TRIM66: variants seen among roughly 807,000 people sequenced by gnomAD.
The protein encoded by TRIM66 is tripartite motif containing 66.
A neutral mutation model predicts 148.2 loss-of-function variants in TRIM66; 99 were observed. That is an observed-to-expected ratio of 0.67 (90% confidence interval 0.57 to 0.79). The LOEUF (loss-of-function observed/expected upper bound fraction) is 0.79, where lower values mean the gene tolerates loss of function less well. Among genes scored for constraint, TRIM66 ranks in the 30% least tolerant of loss-of-function variants. The probability of loss-of-function intolerance (pLI) is 0.00; values close to 1 mark genes in which losing one functional copy is unlikely to be tolerated. For synonymous variants in TRIM66, 616 were observed against 635.9 expected (o/e 0.97, Z 0.47); for missense variants, 1,666 against 1,697.9 (o/e 0.98, Z 0.33).
chr11:8,678,173 GACAAGTTATTCA>G lies in TRIM66; in HGVS notation c.-190+1435_-190+1446del, dbSNP rs2039266065. 3 of 152,216 alleles carry G rather than the reference GACAAGTTATTCA, an allele frequency of 2.0e-5. No homozygotes were observed. In the South Asian group the frequency reaches 6.2e-4, roughly 32 times the overall value. The allele number at this position is 152,216 out of a possible 1,614,324, so 9.4% of individuals were successfully genotyped here. A position where few individuals can be genotyped will look rare whatever the true frequency, so the allele number is the denominator to read the frequency against. ...GTCTCACTTCTGGGAATTTATCCTA[GACAAGTTATTCA>G]ACAGGAGAAGAAAAAATTATATACA... On this transcript the variant is annotated intron_variant, in intron 3 of 24. Transcript: ENST00000646038.
Position 8,620,427 on chromosome 11 carries a change from T to C in TRIM66, c.3672+19A>G, listed in dbSNP as rs1365956626. 6.4e-7 allele frequency: 1 copy of C among 1,551,282 alleles called. No individual in the cohort carries two copies. Among genetic ancestry groups the C allele is most frequent in the East Asian group, 2.4e-5 (1 of 40,930 alleles). On this transcript the variant is annotated intron_variant, in intron 21 of 24. Transcript: ENST00000646038. ...GCTGCCAAAGGCAGGGAACCTTGTT[T>C]CCAAAGACTCCTCCCTACCTTCTGG...
intron 6 of TRIM66, among the ~76,000 whole-genome samples, chr11:8,657,329 G>A (rs1186668600): frequency 6.6e-6 from 1 of 152,134 alleles, no homozygotes; most frequent in East Asian, 1.9e-4. Flanking sequence ...TCCGAGCTCT[G>A]ATCCCAACAG....
chr11:8,620,126 T>C lies in TRIM66; in HGVS notation c.3673-2A>G, dbSNP rs998594739. ...GGACAATACCAGCTTCTCACACTTCTGCAAAATCAGAATTGGCAACAGAGT... is the reference window on the plus strand; with the variant it reads ...GGACAATACCAGCTTCTCACACTTCCGCAAAATCAGAATTGGCAACAGAGT... On this transcript the variant is annotated splice_acceptor_variant, in intron 21 of 24. Coordinates refer to ENST00000646038, the MANE Select transcript of TRIM66 (RefSeq NM_001388022.1). LOFTEE classifies it high-confidence loss of function. The C allele has an allele frequency of 1.3e-5, 20 of 1,551,526 alleles. No homozygotes were observed. In the Admixed American group the frequency reaches 2.6e-4, roughly 20 times the overall value.
At chr11:8,668,447 G>C (rs1171192438) in intron 6 of TRIM66, among the ~76,000 whole-genome samples, 3 of 152,064 alleles carry the variant, frequency 2.0e-5, no homozygotes, top group Non-Finnish European at 4.4e-5. Flanking sequence ...AGATGGCCCA[G>C]TCCAAAACAG....
At chr11:8,654,095 T>C (rs984999293) in intron 6 of TRIM66, among the ~76,000 whole-genome samples, 2 of 152,234 alleles carry the variant, frequency 1.3e-5, no homozygotes, top group South Asian at 2.1e-4. Context: ...ACATCAGTCA[T>C]TGTAACATGG....
upstream of TRIM66, chr11:8,682,862 C>T (rs755868948): frequency 1.9e-6 from 3 of 1,596,642 alleles, no homozygotes; most frequent in Middle Eastern, 1.7e-4. Context: ...GGCGGAGACC[C>T]CTAAGCTGTA....
intron 6 of TRIM66, among the ~76,000 whole-genome samples, chr11:8,663,921 C>T (rs1330851211): frequency 1.3e-5 from 2 of 152,102 alleles, no homozygotes; most frequent in Non-Finnish European, 2.9e-5. Context: ...TCTAAAAAAA[C>T]TGATCTCATA....
intron 1 of TRIM66, among the ~76,000 whole-genome samples, chr11:8,681,710 G>C (rs1301882415): frequency 2.6e-5 from 4 of 152,074 alleles, no homozygotes; most frequent in Admixed American, 6.5e-5. Context: ...ACAATCACTA[G>C]TTGAGTGTGG....
intron 15 of TRIM66, among the ~76,000 whole-genome samples, chr11:8,627,315 G>A (rs1413092814): frequency 6.6e-6 from 1 of 152,178 alleles, no homozygotes; most frequent in African/African-American, 2.4e-5. Context: ...CAAATGAACA[G>A]CAGCTTAGGT....
chr11:8,622,380 A>ATATATATATATATATC (rs1565477382), intron 18 of TRIM66, among the ~76,000 whole-genome samples: 5 of 128,486 alleles, frequency 3.9e-5, no homozygotes, highest in Non-Finnish European at 8.5e-5. Flanking sequence ...ATATATATAT[A>ATATATATATATATATC]TATCTCCTAC....
rs1475899241 is a variant in TRIM66 at position 8,622,840 on chromosome 11, T to C, written c.3056A>G (p.Asp1019Gly). 9 of 1,551,916 alleles carry C rather than the reference T, an allele frequency of 5.8e-6. No individual in the cohort carries two copies. The highest frequency in any genetic ancestry group is 7.8e-6 in the Non-Finnish European group (9 of 1,147,088). ...ENFEQGALEL[D>G]AKENQSIRAF... is the part of the protein sequence containing the mutation. ...CCTGATGCTCTGGTTCTCTTTTGCA[T>C]CCAGCTCTAGGGCTCCTTGTTCAAA... The change falls in exon 18 of 25, where the codon GAT (aspartate) becomes GGT (glycine). Residue 1019 changes from aspartate to glycine, a missense_variant. This residue lies in a region of TRIM66 where 1,431 missense variants were observed against 1,412.4 expected (regional missense o/e 1.01). Transcript: ENST00000646038.
chr11:8,620,408 A>G (rs1206503567), intron 21 of TRIM66, 38 bp downstream of exon 21: 1 of 1,550,052 alleles, frequency 6.5e-7, no homozygotes, highest in African/African-American at 1.4e-5. Context: ...GGGGGCTGCC[A>G]AAGGCAGGGA....
In TRIM66 at chr11:8,620,479, C is replaced by T. The variant is rs1200216463; in HGVS notation, c.3639G>A (p.Arg1213=). The change falls in exon 21 of 25, where the codon CGG becomes CGA. Residue 1213 remains arginine (R), a synonymous_variant. Transcript: ENST00000646038. The part of the protein sequence containing the change: ...ENACYNQPGM[R]ASPGLSMYDQ... Reference sequence around the variant, plus strand: ...CATACATGCTTAGGCCAGGAGATGCCCGCATTCCAGGCTGGTTATAGCAGG... The same window carrying T: ...CATACATGCTTAGGCCAGGAGATGCTCGCATTCCAGGCTGGTTATAGCAGG... 6.4e-7 allele frequency: 1 copy of T among 1,551,780 alleles called. No individual in the cohort carries two copies. Among genetic ancestry groups the T allele is most frequent in the Admixed American group, 2.0e-5 (1 of 51,002 alleles).
At chr11:8,650,556 G>C (rs903152199) in intron 7 of TRIM66, among the ~76,000 whole-genome samples, 1 of 152,108 alleles carries the variant, frequency 6.6e-6, no homozygotes, top group Non-Finnish European at 1.5e-5. Context: ...GTTCACACAA[G>C]TCCTGTGCTG....
intron 14 of TRIM66, among the ~76,000 whole-genome samples, chr11:8,640,012 C>T (rs759543696): frequency 2.0e-5 from 3 of 152,174 alleles, no homozygotes; most frequent in Non-Finnish European, 4.4e-5. Context: ...TATACTGAGC[C>T]TAAATCTAAT....
upstream of TRIM66, chr11:8,683,147 C>T (rs1592234341): frequency 1.3e-6 from 2 of 1,544,466 alleles, no homozygotes; most frequent in African/African-American, 1.4e-5. Context: ...GGCTGGCGGG[C>T]ATCGCCCCCT....
At chr11:8,638,592 T>A (rs1565509119) in intron 15 of TRIM66, 62 bp downstream of exon 15, 3 of 1,516,970 alleles carry the variant, frequency 2.0e-6, no homozygotes. Context: ...CTCCTCCAAG[T>A]GCCTGGGGTC....
Position 8,640,570 on chromosome 11 carries a change from A to G in TRIM66, c.1805T>C (p.Leu602Pro), listed in dbSNP as rs2133082662. 1.3e-6 allele frequency: 2 copies of G among 1,548,620 alleles called. No homozygotes were observed. The highest frequency in any genetic ancestry group is 1.7e-6 in the Non-Finnish European group (2 of 1,145,636). The change falls in exon 14 of 25, where the codon CTA becomes CCA. Residue 602 changes from leucine to proline, a missense_variant. By Grantham distance (98) the Leu-to-Pro change is moderately conservative. Around this residue, in one of 3 missense-constraint regions of TRIM66, gnomAD observed 1,431 missense variants for 1,412.4 expected, o/e 1.01. Transcript: ENST00000646038. ...SHFQQQPQQQ[L>P]PPPPPPLPHP... ...GGGGAGGGGTGGTGGTGGAGGTGGT[A>G]GCTGCTGCTGTGGCTGCTGCTGAAA...
chr11:8,612,500 T>C lies in TRIM66; in HGVS notation c.*5444A>G, dbSNP rs534355261. On this transcript the variant is annotated 3_prime_UTR_variant, in exon 25 of 25. Transcript: ENST00000646038. Reference sequence around the variant, plus strand: ...GTATCCAAGGTTACACAGCTCATAATGGAAAGAGCCAAAAATTTTGGTGTT... The same window carrying C: ...GTATCCAAGGTTACACAGCTCATAACGGAAAGAGCCAAAAATTTTGGTGTT... 8.5e-5 allele frequency: 13 copies of C among 152,332 alleles called. No homozygotes were observed. Among genetic ancestry groups the C allele is most frequent in the African/African-American group, 2.9e-4 (12 of 41,580 alleles). The allele number at this position is 152,332 out of a possible 1,614,324, so 9.4% of individuals were successfully genotyped here.
Sources: gnomAD v4.1 joint callset for allele counts (sites outside exome capture counted in the v4.1 genomes callset) on GRCh38, gnomAD v4.1.1 for gene constraint, gnomAD v4.1.1 regional missense constraint, MANE v1.5 for transcripts, NCBI Gene and HGNC (gene_info 2026-07-23, HGNC 2026-07-21) for gene names.